The following CLPX variants were observed in gnomAD, a reference collection of about 807,000 sequenced individuals.
CLPX encodes caseinolytic mitochondrial matrix peptidase chaperone subunit X, also known as ATP-dependent clpX-like chaperone, mitochondrial.
Under a neutral mutation model 76.4 loss-of-function variants are expected in CLPX, and 34 were observed. The observed-to-expected ratio is 0.45, with a 90% CI of 0.34 to 0.59. The LOEUF (loss-of-function observed/expected upper bound fraction) is 0.59. Ranked by LOEUF, CLPX falls within the 20% of genes least tolerant of loss-of-function variation. The pLI, the probability that CLPX is intolerant of heterozygous loss-of-function variation, is 0.01. For missense variants in CLPX, 613 were observed against 757.0 expected (o/e 0.81, Z 2.23); for synonymous variants, 248 against 270.9 (o/e 0.92, Z 0.83).
In CLPX at chr15:65,183,175, A is replaced by C. The variant is rs576403726; in HGVS notation, c.79+1900T>G. ...CAGATTCCATCAAGACAGACACACA[A>C]AAAGAGGCCAGGCGCGGTGGCTCAC... On this transcript the variant is annotated intron_variant, in intron 1 of 13. Coordinates refer to ENST00000300107, the MANE Select transcript of CLPX (RefSeq NM_006660.5). 4.6e-5 allele frequency among the ~76,000 whole-genome samples: 7 copies of C among 151,074 alleles called. No individual in the cohort carries two copies. In the East Asian group the frequency reaches 5.8e-4, roughly 13 times the overall value.
chr15:65,154,987 T>C lies in CLPX; in HGVS notation c.1406A>G (p.His469Arg), dbSNP rs2140613209. 6.2e-7 allele frequency: 1 copy of C among 1,614,132 alleles called. No individual in the cohort carries two copies. The change falls in exon 11 of 14, where the codon CAC (histidine) becomes CGC (arginine). Residue 469 changes from histidine (H) to arginine (R), a missense_variant. Coordinates refer to ENST00000300107, the MANE Select transcript of CLPX (RefSeq NM_006660.5). ...LANRSGESNT[H>R]QDIEEKDRLL... ...CCGATCTTTTTCTTCAATGTCTTGG[T>C]GAGTATTCGATTCCCCACTTCGATT... is the stretch of plus-strand genomic sequence containing the variant.
chr15:65,161,191 GCAAA>G (rs2087852559), intron 6 of CLPX, among the ~76,000 whole-genome samples: 1 of 151,976 alleles, frequency 6.6e-6, no homozygotes, highest in African/African-American at 2.4e-5. Flanking sequence ...GCCCTTAAAC[GCAAA>G]CAAAGTATTT....
At chr15:65,182,100 G>A (rs1481936443) in intron 1 of CLPX, among the ~76,000 whole-genome samples, 4 of 144,940 alleles carry the variant, frequency 2.8e-5, no homozygotes, top group East Asian at 4.0e-4. Context: ...TCCAGCTTAA[G>A]CAACAGAGTC....
chr15:65,158,031 C>T (rs538929999), intron 7 of CLPX, 121 bp from the exon 8 acceptor site: 3 of 765,578 alleles, frequency 3.9e-6, no homozygotes, highest in Non-Finnish European at 6.0e-6. Flanking sequence ...CTACATCCTT[C>T]CTCTGCTATT....
rs1595951042 is a variant in CLPX, at chr15:65,185,330, T to C, written c.-177A>G. The C allele has an allele frequency of 3.4e-6, 2 of 579,862 alleles. No homozygotes were observed. Among genetic ancestry groups the C allele is most frequent in the East Asian group, 3.1e-5 (1 of 32,744 alleles). The allele number at this position is 579,862 out of a possible 1,614,324, so 35.9% of individuals were successfully genotyped here. A position where few individuals can be genotyped will look rare whatever the true frequency, so the allele number is the denominator to read the frequency against. ...CACGCTTCTCTGCCCCACAGCCGTC[T>C]ATTCACCAGAGTAGACACCCAACCC... On this transcript the variant is annotated 5_prime_UTR_variant, in exon 1 of 14. In the 5' UTR this introduces an upstream ATG that the reference lacks. Coordinates refer to ENST00000300107, the MANE Select transcript of CLPX (RefSeq NM_006660.5).
chr15:65,181,493 C>T (rs1444989189), intron 1 of CLPX, among the ~76,000 whole-genome samples: 2 of 152,104 alleles, frequency 1.3e-5, no homozygotes, highest in Non-Finnish European at 1.5e-5. Context: ...TGGCTCACGC[C>T]TGTAATCCCA....
At chr15:65,166,502 T>C in intron 4 of CLPX, 129 bp downstream of exon 4, 1 of 941,824 alleles carries the variant, frequency 1.1e-6, no homozygotes, top group Non-Finnish European at 1.6e-6. Flanking sequence ...TAGCCACATA[T>C]GGTCCATATT....
rs139913845 is a variant in CLPX, at chr15:65,163,876, A to C, written c.673+153T>G. ...AAATTTTTAAAAAATGCTGTTGGCAAATGATTTCATAACACACTAATGGGG... is the reference window on the plus strand; with the variant it reads ...AAATTTTTAAAAAATGCTGTTGGCACATGATTTCATAACACACTAATGGGG... On this transcript the variant is annotated intron_variant, in intron 5 of 13. Transcript: ENST00000300107. Among the ~76,000 whole-genome samples the C allele has an allele frequency of 2.2e-3, 340 of 152,344 alleles. 1 individual carries two copies. Among genetic ancestry groups the C allele is most frequent in the Non-Finnish European group, 3.5e-3 (235 of 68,032 alleles).
At chr15:65,185,031 C>G (rs200222914) in intron 1 of CLPX, 44 bp downstream of exon 1, 74 of 1,505,604 alleles carry the variant, frequency 4.9e-5, no homozygotes, top group East Asian at 2.0e-4. Flanking sequence ...AGTCCACCCC[C>G]CCCCCGACAG....
intron 5 of CLPX, among the ~76,000 whole-genome samples, chr15:65,163,397 T>C (rs1482519873): frequency 6.6e-6 from 1 of 152,118 alleles, no homozygotes. Flanking sequence ...AATGTAGACT[T>C]ATAAATTTAA....
chr15:65,151,807 G>A (rs2087724395), intron 13 of CLPX, among the ~76,000 whole-genome samples: 1 of 152,214 alleles, frequency 6.6e-6, no homozygotes, highest in African/African-American at 2.4e-5. Flanking sequence ...TATGATTTGA[G>A]TTAAACAGAA....
chr15:65,154,704 T>C (rs1206489534), intron 11 of CLPX, 78 bp downstream of exon 11: 1 of 1,155,610 alleles, frequency 8.7e-7, no homozygotes, highest in African/African-American at 1.6e-5. Flanking sequence ...AATTTGTTTT[T>C]GTTGTTAGGT....
intron 3 of CLPX, among the ~76,000 whole-genome samples, chr15:65,176,758 G>C (rs1257063834): frequency 6.6e-6 from 1 of 151,844 alleles, no homozygotes; most frequent in Non-Finnish European, 1.5e-5. Flanking sequence ...ACCACGCCCA[G>C]CTAATTTTGT....
chr15:65,157,187 C>T (rs893939310), intron 8 of CLPX, among the ~76,000 whole-genome samples: 7 of 152,186 alleles, frequency 4.6e-5, no homozygotes, highest in Non-Finnish European at 8.8e-5. Context: ...ATTTGCCCCA[C>T]TAATGTATAT....
intron 11 of CLPX, 89 bp from the exon 12 acceptor site, chr15:65,153,728 T>C (rs904730956): frequency 4.3e-6 from 3 of 700,536 alleles, no homozygotes; most frequent in Admixed American, 3.3e-5. Flanking sequence ...CAATTTCTCA[T>C]GGTGTTTTGG....
At chr15:65,178,860 T>TTA in intron 3 of CLPX, 74 bp downstream of exon 3, 1 of 824,350 alleles carries the variant, frequency 1.2e-6, no homozygotes, top group African/African-American at 1.7e-5. Flanking sequence ...TTTACATAAT[T>TTA]TACATATTTT....
At chr15:65,158,547 T>C (rs747289763) in intron 7 of CLPX, 28 bp downstream of exon 7, 2 of 1,560,174 alleles carry the variant, frequency 1.3e-6, no homozygotes, top group Non-Finnish European at 8.8e-7. Flanking sequence ...TTAAAATGAG[T>C]AGTAAATTTT....
Position 65,173,299 on chromosome 15 carries a change from G to A in CLPX, c.358+5635C>T, listed in dbSNP as rs145501562. On this transcript the variant is annotated intron_variant, in intron 3 of 13. Transcript: ENST00000300107. ...ACAGAATTGCTTGAATCTGGGAGGT[G>A]GAGGTTGCAGTGAGCCGAGATAGTG... Among the ~76,000 whole-genome samples the A allele has an allele frequency of 2.8e-3, 417 of 151,200 alleles. 1 individual carries two copies. The highest frequency in any genetic ancestry group is 9.7e-3 in the African/African-American group (397 of 41,094).
rs368972682 is a variant in CLPX at position 65,164,197 on chromosome 15, T to C, written c.514-9A>G. The C allele has an allele frequency of 3.8e-5, 61 of 1,599,922 alleles. 1 individual carries two copies. The highest frequency in any genetic ancestry group is 4.9e-5 in the Non-Finnish European group (57 of 1,170,910). On this transcript the variant is annotated splice_polypyrimidine_tract_variant and intron_variant, in intron 4 of 13. Coordinates refer to ENST00000300107, the MANE Select transcript of CLPX (RefSeq NM_006660.5). The stretch of plus-strand genomic sequence containing the variant: ...TCGAGGTAGTTATAAATCTGAAAAA[T>C]GATTAGGTATGAATAATTTAATATG...
Sources: allele counts gnomAD v4.1 joint callset (sites outside exome capture counted in the v4.1 genomes callset), GRCh38; gene constraint gnomAD v4.1.1; transcripts MANE v1.5; gene names NCBI Gene and HGNC (gene_info 2026-07-23, HGNC 2026-07-21).